The following GABBR2 variants were observed in gnomAD, a reference collection of about 807,000 sequenced individuals.
GABBR2 encodes G-protein coupled receptor 51.
GABBR2 carries 23 observed loss-of-function variants against 105.6 expected under a neutral mutation model. That is an observed-to-expected ratio of 0.22 (90% CI 0.16 to 0.31). The LOEUF is 0.31. Among genes scored for constraint, GABBR2 ranks in the 10% least tolerant of loss-of-function variants. GABBR2 has a pLI of 1.00. For synonymous variants in GABBR2, 478 were observed against 499.7 expected (o/e 0.96, Z 0.58); for missense variants, 734 against 1,245.5 (o/e 0.59, Z 6.18).
At chr9:98,296,906 C>T (rs1830391270) in intron 17 of GABBR2, among the ~76,000 whole-genome samples, 1 of 152,122 alleles carries the variant, frequency 6.6e-6, no homozygotes, top group Non-Finnish European at 1.5e-5. Context: ...CTAAATTTAT[C>T]AACCTTTCCT....
At chr9:98,426,006 G>GT (rs1344698300) in intron 7 of GABBR2, among the ~76,000 whole-genome samples, 1 of 152,188 alleles carries the variant, frequency 6.6e-6, no homozygotes, top group Non-Finnish European at 1.5e-5. Context: ...ATAGATAGTT[G>GT]TAAGTGAATG....
At chr9:98,432,331 G>C (rs1825827240) in intron 7 of GABBR2, among the ~76,000 whole-genome samples, 1 of 152,234 alleles carries the variant, frequency 6.6e-6, no homozygotes, top group Admixed American at 6.5e-5. Context: ...GGATTTCACG[G>C]GGGTGGAGTC....
At chr9:98,466,870 C>T (rs1826569195) in intron 6 of GABBR2, among the ~76,000 whole-genome samples, 1 of 152,100 alleles carries the variant, frequency 6.6e-6, no homozygotes, top group South Asian at 2.1e-4. Flanking sequence ...TGACAGCTCC[C>T]CAGGGTAATA....
intron 3 of GABBR2, among the ~76,000 whole-genome samples, chr9:98,536,113 C>T (rs1828175281): frequency 6.6e-6 from 1 of 152,134 alleles, no homozygotes. Flanking sequence ...GTACCTTACT[C>T]TCAATTTTGC....
intron 1 of GABBR2, among the ~76,000 whole-genome samples, chr9:98,647,403 C>G (rs376818730): frequency 6.6e-6 from 1 of 152,236 alleles, no homozygotes; most frequent in East Asian, 1.9e-4. Flanking sequence ...CCAGGAAATG[C>G]GCAGGTGGCT....
At position 98,448,509 on chromosome 9, in the gene GABBR2, T is replaced by C. The variant is rs189553627; in HGVS notation, c.1236+5472A>G. On this transcript the variant is annotated intron_variant, in intron 7 of 18. Coordinates refer to ENST00000259455, the MANE Select transcript of GABBR2 (RefSeq NM_005458.8). ...AGAGGCGTAATCAGCCGCAACCTCC[T>C]GGGCTCAGGTGATCCTCCCACCTCA... Among the ~76,000 whole-genome samples, 84 of 152,294 alleles carry C rather than the reference T, an allele frequency of 5.5e-4. 1 individual carries two copies. The highest frequency in any genetic ancestry group is 9.0e-4 in the Non-Finnish European group (61 of 68,022).
chr9:98,347,021 T>A (rs1188055442), intron 13 of GABBR2, among the ~76,000 whole-genome samples: 3 of 152,216 alleles, frequency 2.0e-5, no homozygotes, highest in Admixed American at 2.0e-4. Context: ...TTAGGAACTG[T>A]GAATAATGCA....
chr9:98,587,302 C>T (rs542299006), intron 1 of GABBR2, among the ~76,000 whole-genome samples: 2 of 152,174 alleles, frequency 1.3e-5, no homozygotes, highest in Non-Finnish European at 2.9e-5. Context: ...AATCACCTCC[C>T]GCATTCTGAG....
intron 13 of GABBR2, among the ~76,000 whole-genome samples, chr9:98,315,742 C>A (rs1830704504): frequency 6.6e-6 from 1 of 152,238 alleles, no homozygotes; most frequent in African/African-American, 2.4e-5. Flanking sequence ...ATGAAGGGTC[C>A]AGCCTGGTGG....
At chr9:98,600,925 T>G (rs1829321673) in intron 1 of GABBR2, among the ~76,000 whole-genome samples, 2 of 152,194 alleles carry the variant, frequency 1.3e-5, no homozygotes, top group South Asian at 4.1e-4. Flanking sequence ...ATGAAAAGCT[T>G]ATCATGTCCC....
chr9:98,395,706 G>A (rs1049128402), intron 8 of GABBR2, among the ~76,000 whole-genome samples: 4 of 152,156 alleles, frequency 2.6e-5, no homozygotes, highest in South Asian at 2.1e-4. Flanking sequence ...GAAGACCCTT[G>A]AGCAGGGTCT....
At chr9:98,308,419 C>T (rs1830584631) in intron 14 of GABBR2, among the ~76,000 whole-genome samples, 1 of 152,162 alleles carries the variant, frequency 6.6e-6, no homozygotes, top group Non-Finnish European at 1.5e-5. Context: ...GAAAAGCACT[C>T]CATCTGTGGG....
chr9:98,297,799 A>G (rs974773114), intron 17 of GABBR2, among the ~76,000 whole-genome samples: 2 of 151,304 alleles, frequency 1.3e-5, no homozygotes, highest in Admixed American at 6.6e-5. Context: ...AGGCAGGCGA[A>G]TCACTTGAGG....
At chr9:98,395,718 A>C (rs940833739) in intron 8 of GABBR2, among the ~76,000 whole-genome samples, 24 of 152,110 alleles carry the variant, frequency 1.6e-4, no homozygotes, top group African/African-American at 5.6e-4. Context: ...GCAGGGTCTG[A>C]GGATCTGGCA....
intron 3 of GABBR2, among the ~76,000 whole-genome samples, chr9:98,517,840 T>G (rs1827787256): frequency 6.6e-6 from 1 of 151,092 alleles, no homozygotes; most frequent in African/African-American, 2.4e-5. Flanking sequence ...CCAGTGGGAG[T>G]CAGAGGGCCA....
intron 3 of GABBR2, among the ~76,000 whole-genome samples, chr9:98,536,718 C>T (rs992378593): frequency 6.6e-6 from 1 of 152,152 alleles, no homozygotes; most frequent in Admixed American, 6.5e-5. Flanking sequence ...CTGGCTCTGT[C>T]CACAGCCTCC....
chr9:98,382,240 C>T (rs1831990486), intron 11 of GABBR2, among the ~76,000 whole-genome samples: 2 of 152,192 alleles, frequency 1.3e-5, no homozygotes, highest in Non-Finnish European at 2.9e-5. Context: ...TCCACCGGTT[C>T]TCAACCTGGG....
chr9:98,511,391 G>C (rs1412212342), intron 3 of GABBR2, among the ~76,000 whole-genome samples: 2 of 150,086 alleles, frequency 1.3e-5, no homozygotes, highest in Non-Finnish European at 3.0e-5. Context: ...CAGAAGGCAA[G>C]AAATAACTAA....
At chr9:98,391,825 C>T (rs778322314) in intron 9 of GABBR2, among the ~76,000 whole-genome samples, 1 of 152,072 alleles carries the variant, frequency 6.6e-6, no homozygotes, top group African/African-American at 2.4e-5. Flanking sequence ...GCAGTGGGGA[C>T]GTGCGGGGCT....
Sources: allele counts gnomAD v4.1 joint callset (sites outside exome capture counted in the v4.1 genomes callset), GRCh38; gene constraint gnomAD v4.1.1; transcripts MANE v1.5; gene names NCBI Gene and HGNC (gene_info 2026-07-23, HGNC 2026-07-21).